The following MYO3A variants were observed in gnomAD, a reference collection of about 807,000 sequenced individuals.
MYO3A encodes myosin IIIA, also known as myosin-IIIa.
A neutral mutation model predicts 192.7 loss-of-function variants in MYO3A; 180 were observed. The ratio of observed to expected loss-of-function variants is 0.93; its 90% CI spans 0.83 to 1.06. The LOEUF (loss-of-function observed/expected upper bound fraction) is 1.06. MYO3A is among the 50% of genes least tolerant of loss of function. MYO3A has a pLI of 0.00. For missense variants in MYO3A, 1,896 were observed against 1,905.0 expected, an observed-to-expected ratio of 1.00 and a Z score of 0.09; for synonymous variants, 628 against 645.3, an observed-to-expected ratio of 0.97 and a Z score of 0.41.
chr10:26,050,112 A>T (rs935780688), intron 10 of MYO3A, among the ~76,000 whole-genome samples: 8 of 152,116 alleles, frequency 5.3e-5, no homozygotes, highest in African/African-American at 1.9e-4. Flanking sequence ...AACATGCATT[A>T]CTTTTATAAT....
In MYO3A at chr10:25,952,359, T is replaced by C; in HGVS notation, c.168+81T>C. 3 of 1,394,322 alleles carry C rather than the reference T, an allele frequency of 2.2e-6. No homozygotes were observed. The East Asian group carries it at 7.3e-5, about 34-fold the overall frequency. The allele number at this position is 1,394,322 out of a possible 1,614,324, so 86.4% of individuals were successfully genotyped here. ...AAAAAGACTGTATTTTATCTTGATT[T>C]ATTCATCACAATAGCAGTCTAAAAC... On this transcript the variant is annotated intron_variant, in intron 3 of 34. Transcript: ENST00000642920.
rs1212266281 is a variant in MYO3A, at chr10:26,202,974, T to C, written c.4597T>C (p.Leu1533=). Residue 1533 remains leucine, a synonymous_variant, in exon 34 of 35, where the codon TTA becomes CTA. Coordinates refer to ENST00000642920, the MANE Select transcript of MYO3A (RefSeq NM_017433.5). ...RRPRKDSQGK[L]LDLEDFYYKE... Reference sequence around the variant, plus strand: ...TGTGTTCATTTACAGTCAGGGAAAATTATTAGATTTGGAAGATTTCTATTA... The same window carrying C: ...TGTGTTCATTTACAGTCAGGGAAAACTATTAGATTTGGAAGATTTCTATTA... The C allele has an allele frequency of 6.2e-7, 1 of 1,613,628 alleles. No individual in the cohort carries two copies. The highest frequency in any genetic ancestry group is 8.5e-7 in the Non-Finnish European group (1 of 1,179,714).
chr10:26,099,290 T>C (rs903660836), intron 17 of MYO3A, among the ~76,000 whole-genome samples: 1 of 152,238 alleles, frequency 6.6e-6, no homozygotes, highest in African/African-American at 2.4e-5. Context: ...AAGTTGCTTA[T>C]CAGCTTAAGC....
intron 6 of MYO3A, among the ~76,000 whole-genome samples, chr10:26,015,545 C>A (rs1171714659): frequency 6.6e-6 from 1 of 152,146 alleles, no homozygotes; most frequent in African/African-American, 2.4e-5. Flanking sequence ...AGTGACTTTT[C>A]TTTCCAGCTT....
At chr10:26,045,731 C>T (rs76630906) in intron 10 of MYO3A, among the ~76,000 whole-genome samples, 9,273 of 152,162 alleles carry the variant, frequency 0.061, 366 homozygotes, top group Non-Finnish European at 0.088. Context: ...CCACAGAGAC[C>T]AAAAATAAAA....
At chr10:25,966,661 AACC>A (rs1399328336) in intron 4 of MYO3A, among the ~76,000 whole-genome samples, 1 of 152,188 alleles carries the variant, frequency 6.6e-6, no homozygotes, top group Non-Finnish European at 1.5e-5. Context: ...CAATATCTTG[AACC>A]CCATGCAGCA....
At chr10:26,011,562 T>C (rs1259478985) in intron 6 of MYO3A, among the ~76,000 whole-genome samples, 1 of 152,168 alleles carries the variant, frequency 6.6e-6, no homozygotes, top group South Asian at 2.1e-4. Flanking sequence ...CCTCCTAGAT[T>C]GAATCAGGAA....
intron 14 of MYO3A, among the ~76,000 whole-genome samples, chr10:26,085,112 A>T (rs1836226224): frequency 6.6e-6 from 1 of 151,610 alleles, no homozygotes; most frequent in Non-Finnish European, 1.5e-5. Flanking sequence ...TAATTTCTCT[A>T]CTTTCATTTT....
chr10:26,170,490 C>A lies in MYO3A; in HGVS notation c.3349C>A (p.Gln1117Lys), dbSNP rs1170704139. ...DMKNTAVTTIQTSDQEFDYKK... is the reference protein window; with the variant it reads ...DMKNTAVTTIKTSDQEFDYKK... Reference sequence around the variant, plus strand: ...GAAAAACACAGCAGTAACAACCATTCAAACTTCTGATCAGGAATTCGACTA... The same window carrying A: ...GAAAAACACAGCAGTAACAACCATTAAAACTTCTGATCAGGAATTCGACTA... Residue 1117 changes from glutamine (Q) to lysine (K), a missense_variant, in exon 29 of 35, where the codon CAA becomes AAA. By Grantham distance (53) the Gln-to-Lys change is moderately conservative. Coordinates refer to ENST00000642920, the MANE Select transcript of MYO3A (RefSeq NM_017433.5). 12 of 1,613,044 alleles carry A rather than the reference C, an allele frequency of 7.4e-6. No homozygotes were observed. The highest frequency in any genetic ancestry group is 1.0e-5 in the Non-Finnish European group (12 of 1,179,556).
intron 23 of MYO3A, among the ~76,000 whole-genome samples, chr10:26,152,388 CTTTCCCAAGG>C (rs1840846130): frequency 6.6e-6 from 1 of 152,164 alleles, no homozygotes; most frequent in Non-Finnish European, 1.5e-5. Context: ...TGTTGAGCAG[CTTTCCCAAGG>C]TTTCCCAATG....
At chr10:26,066,802 G>A (rs2131371003) in intron 10 of MYO3A, among the ~76,000 whole-genome samples, 173 bp from the exon 11 acceptor site, 1 of 152,118 alleles carries the variant, frequency 6.6e-6, no homozygotes, top group East Asian at 1.9e-4. Flanking sequence ...TTTTTCCAAT[G>A]GAAAGGAGTA....
intron 9 of MYO3A, 79 bp from the exon 10 acceptor site, chr10:26,026,298 A>G: frequency 6.6e-7 from 1 of 1,526,426 alleles, no homozygotes; most frequent in Non-Finnish European, 9.0e-7. Flanking sequence ...CGTGTGTTAG[A>G]TTAATTTTTA....
intron 6 of MYO3A, among the ~76,000 whole-genome samples, chr10:26,013,099 T>G (rs1444303902): frequency 6.6e-6 from 1 of 152,014 alleles, no homozygotes; most frequent in Non-Finnish European, 1.5e-5. Flanking sequence ...TGGAACTCTA[T>G]CTCTCACCTT....
intron 2 of MYO3A, among the ~76,000 whole-genome samples, chr10:25,951,351 G>A (rs551733933): frequency 6.3e-4 from 96 of 152,290 alleles, no homozygotes; most frequent in African/African-American, 1.9e-3. Context: ...TGCTGCTGGA[G>A]TACCGAGGTG....
At chr10:25,961,728 A>G (rs1389474843) in intron 4 of MYO3A, among the ~76,000 whole-genome samples, 2 of 152,190 alleles carry the variant, frequency 1.3e-5, no homozygotes, top group African/African-American at 4.8e-5. Context: ...ACATATACAC[A>G]TAAGTGGCTA....
rs1453690628 is a variant in MYO3A at position 26,088,166 on chromosome 10, T to G, written c.1360-37T>G. 4 of 1,472,874 alleles carry G rather than the reference T, an allele frequency of 2.7e-6. No homozygotes were observed. The South Asian group carries it at 5.1e-5, about 19-fold the overall frequency. The allele number at this position is 1,472,874 out of a possible 1,614,324, so 91.2% of individuals were successfully genotyped here. A position where few individuals can be genotyped will look rare whatever the true frequency, so the allele number is the denominator to read the frequency against. On this transcript the variant is annotated intron_variant, in intron 14 of 34. Coordinates refer to ENST00000642920, the MANE Select transcript of MYO3A (RefSeq NM_017433.5). ...TTTCATTATATACCAAATTAATTTT[T>G]TATGTTTTTAAAAATATCTTAATAT...
intron 17 of MYO3A, among the ~76,000 whole-genome samples, chr10:26,097,797 T>G (rs1356626090): frequency 1.3e-5 from 2 of 152,204 alleles, no homozygotes; most frequent in African/African-American, 4.8e-5. Flanking sequence ...TGGTGGACAT[T>G]TGGGTTGGTT....
chr10:26,133,679 G>A (rs903714468), intron 20 of MYO3A, among the ~76,000 whole-genome samples: 3 of 152,098 alleles, frequency 2.0e-5, no homozygotes, highest in African/African-American at 4.8e-5. Context: ...CTGTAGCATC[G>A]AACTCCTGAG....
In MYO3A at chr10:26,157,434, G is replaced by A. The variant is rs142974032; in HGVS notation, c.2918G>A (p.Arg973Gln). ...YDKEKVLLQL[R>Q]YTGILETARI... The stretch of plus-strand genomic sequence containing the variant: ...AAAGAGAAAGTTCTGCTACAGCTTC[G>A]GTACACAGGAATTCTGGAAACAGCA... Residue 973 changes from arginine to glutamine, a missense_variant, in exon 26 of 35, where the codon CGG (arginine) becomes CAG (glutamine). By Grantham distance (43) the Arg-to-Gln change is conservative. Transcript: ENST00000642920. The A allele has an allele frequency of 5.0e-5, 80 of 1,613,938 alleles. 1 individual carries two copies. The South Asian group carries it at 6.5e-4, about 13-fold the overall frequency.
Sources: gnomAD v4.1 joint callset for allele counts (sites outside exome capture counted in the v4.1 genomes callset) on GRCh38, gnomAD v4.1.1 for gene constraint, MANE v1.5 for transcripts, NCBI Gene and HGNC (gene_info 2026-07-23, HGNC 2026-07-21) for gene names.